TAFA1: variants seen among roughly 807,000 people sequenced by gnomAD.
TAFA1 encodes the protein TAFA chemokine like family member 1.
In TAFA1, 4 loss-of-function variants were observed where a neutral mutation model predicts 18.5. The ratio of observed to expected loss-of-function variants is 0.22; its 90% CI spans 0.11 to 0.49. The LOEUF is 0.49. Among genes scored for constraint, TAFA1 ranks in the 20% least tolerant of loss-of-function variants. TAFA1 has a pLI of 0.98. For missense variants in TAFA1, 147 were observed against 169.0 expected (o/e 0.87, Z 0.72); for synonymous variants, 56 against 55.2 (o/e 1.01, Z -0.06).
chr3:68,433,662 C>A (rs1219889546), intron 3 of TAFA1, among the ~76,000 whole-genome samples: 1 of 152,060 alleles, frequency 6.6e-6, no homozygotes, highest in Non-Finnish European at 1.5e-5. Context: ...AAGATCAAAT[C>A]AAAGATGGAT....
intron 2 of TAFA1, among the ~76,000 whole-genome samples, chr3:68,121,045 G>A (rs1001262908): frequency 3.3e-5 from 5 of 152,150 alleles, no homozygotes; most frequent in African/African-American, 4.8e-5. Context: ...GCTTACAGTC[G>A]CTTTTTGTCT....
intron 2 of TAFA1, among the ~76,000 whole-genome samples, chr3:68,058,565 C>A (rs996342565): frequency 2.0e-5 from 3 of 152,110 alleles, no homozygotes; most frequent in African/African-American, 7.2e-5. Context: ...TATTAATAGA[C>A]ATAGCTGAGA....
chr3:68,003,516 G>A (rs1025127214), upstream of TAFA1, among the ~76,000 whole-genome samples: 2 of 152,082 alleles, frequency 1.3e-5, no homozygotes, highest in African/African-American at 2.4e-5. Flanking sequence ...ATAACTGAGG[G>A]TATTTCAGAG....
chr3:68,475,177 A>C (rs1255803282), intron 3 of TAFA1, among the ~76,000 whole-genome samples: 3 of 151,630 alleles, frequency 2.0e-5, no homozygotes, highest in African/African-American at 7.3e-5. Context: ...TTATTATTAT[A>C]CTTTAAGCTT....
chr3:68,515,038 A>C (rs1246590856), intron 3 of TAFA1, among the ~76,000 whole-genome samples: 1 of 152,084 alleles, frequency 6.6e-6, no homozygotes, highest in African/African-American at 2.4e-5. Flanking sequence ...TGGTGACTGA[A>C]TTGGTTGTGA....
intron 3 of TAFA1, among the ~76,000 whole-genome samples, chr3:68,466,441 CT>C (rs768578545): frequency 1.2e-4 from 18 of 152,096 alleles, no homozygotes; most frequent in Non-Finnish European, 2.5e-4. Context: ...TGTATTTTCT[CT>C]TAAATTATAG....
intron 2 of TAFA1, among the ~76,000 whole-genome samples, chr3:68,105,205 G>A (rs1026137501): frequency 6.6e-6 from 1 of 152,106 alleles, no homozygotes; most frequent in African/African-American, 2.4e-5. Flanking sequence ...CCTCCCACCA[G>A]ACTCCACCTC....
chr3:68,308,965 G>A (rs777925913), intron 2 of TAFA1, among the ~76,000 whole-genome samples: 3 of 152,182 alleles, frequency 2.0e-5, no homozygotes, highest in Non-Finnish European at 4.4e-5. Flanking sequence ...GTATGTTACC[G>A]TTATACCAGT....
chr3:68,507,076 A>G (rs542955322), intron 3 of TAFA1, among the ~76,000 whole-genome samples: 9 of 152,188 alleles, frequency 5.9e-5, no homozygotes, highest in African/African-American at 2.2e-4. Context: ...TTGATAATCA[A>G]TCACAGTTCT....
intron 2 of TAFA1, among the ~76,000 whole-genome samples, chr3:68,062,631 T>C (rs1331669364): frequency 2.6e-5 from 4 of 152,214 alleles, no homozygotes; most frequent in African/African-American, 4.8e-5. Flanking sequence ...TGGAAAAGTC[T>C]AAACCATAAG....
intron 2 of TAFA1, among the ~76,000 whole-genome samples, chr3:68,194,463 G>T (rs1299177649): frequency 6.6e-6 from 1 of 151,636 alleles, no homozygotes; most frequent in Non-Finnish European, 1.5e-5. Flanking sequence ...ATATGCTGAT[G>T]GGATATCTGA....
upstream of TAFA1, among the ~76,000 whole-genome samples, chr3:68,001,218 A>T (rs1383482664): frequency 6.6e-6 from 1 of 152,232 alleles, no homozygotes; most frequent in Non-Finnish European, 1.5e-5. Flanking sequence ...GAGAAGCGTA[A>T]GAACAAAAGA....
chr3:68,378,108 C>A (rs372575546), intron 2 of TAFA1, among the ~76,000 whole-genome samples: 2 of 152,170 alleles, frequency 1.3e-5, no homozygotes, highest in African/African-American at 4.8e-5. Context: ...CATACGGAGT[C>A]CCCACTAGGG....
At chr3:68,222,467 G>C (rs1057418961) in intron 2 of TAFA1, among the ~76,000 whole-genome samples, 5 of 151,824 alleles carry the variant, frequency 3.3e-5, no homozygotes, top group African/African-American at 1.2e-4. Context: ...TTGCCTTCAG[G>C]GTTACTAGCT....
chr3:68,240,172 A>C (rs2066978183), intron 2 of TAFA1, among the ~76,000 whole-genome samples: 1 of 152,156 alleles, frequency 6.6e-6, no homozygotes, highest in Non-Finnish European at 1.5e-5. Flanking sequence ...TTTTATGGCA[A>C]ATGATCTAAG....
chr3:68,098,645 G>T (rs893452973), intron 2 of TAFA1, among the ~76,000 whole-genome samples: 1 of 152,070 alleles, frequency 6.6e-6, no homozygotes, highest in East Asian at 1.9e-4. Flanking sequence ...ATGAAGGGTA[G>T]TAAGTGCTAT....
At chr3:68,073,216 C>T (rs973739455) in intron 2 of TAFA1, among the ~76,000 whole-genome samples, 11 of 152,056 alleles carry the variant, frequency 7.2e-5, no homozygotes, top group Admixed American at 2.0e-4. Flanking sequence ...ATACCTAGGG[C>T]TTTGTTATAC....
chr3:68,174,275 T>A (rs890120937), intron 2 of TAFA1, among the ~76,000 whole-genome samples: 47 of 152,346 alleles, frequency 3.1e-4, no homozygotes, highest in African/African-American at 1.1e-3. Flanking sequence ...GGTTTTGCTG[T>A]GTCCCTGCTC....
intron 2 of TAFA1, among the ~76,000 whole-genome samples, chr3:68,266,886 G>T (rs1223804304): frequency 6.6e-6 from 1 of 152,136 alleles, no homozygotes; most frequent in Non-Finnish European, 1.5e-5. Context: ...TACGTGTCCT[G>T]CCTGACTAGT....
Sources: allele counts gnomAD v4.1 joint callset (sites outside exome capture counted in the v4.1 genomes callset), GRCh38; gene constraint gnomAD v4.1.1; transcripts MANE v1.5; gene names NCBI Gene and HGNC (gene_info 2026-07-23, HGNC 2026-07-21).